RBFOX1: variants seen among roughly 807,000 people sequenced by gnomAD.
RBFOX1 encodes the protein RNA binding fox-1 homolog 1.
A neutral mutation model predicts 57.7 loss-of-function variants in RBFOX1; 8 were observed. That is an observed-to-expected ratio of 0.14 (90% CI 0.08 to 0.25). The LOEUF (loss-of-function observed/expected upper bound fraction) is 0.25, where lower values mean the gene tolerates loss of function less well. RBFOX1 is among the 10% of genes least tolerant of loss of function. RBFOX1 has a pLI of 1.00. For missense variants in RBFOX1, 611 were observed against 548.5 expected, an observed-to-expected ratio of 1.11 and a Z score of -1.14; for synonymous variants, 326 against 222.4, an observed-to-expected ratio of 1.47 and a Z score of -4.15.
intron 1 of RBFOX1, among the ~76,000 whole-genome samples, chr16:5,282,314 A>T (rs1329760567): frequency 6.6e-6 from 1 of 152,194 alleles, no homozygotes; most frequent in East Asian, 1.9e-4. Flanking sequence ...ATGTGTCTTT[A>T]TCAGCTGTGT....
intron 2 of RBFOX1, among the ~76,000 whole-genome samples, chr16:6,325,057 C>A (rs1990571): frequency 0.99 from 151,038 of 152,330 alleles, 74,894 homozygotes; most frequent in Middle Eastern, 1. Context: ...GTTGTAGTAA[C>A]GAATTACAGG....
chr16:6,950,110 G>A (rs1442864469), intron 3 of RBFOX1, among the ~76,000 whole-genome samples: 1 of 127,578 alleles, frequency 7.8e-6, no homozygotes, highest in Admixed American at 8.1e-5. Context: ...CTACGCAGAG[G>A]TAATTTTTTT....
intron 3 of RBFOX1, among the ~76,000 whole-genome samples, chr16:6,880,947 A>T (rs753564482): frequency 3.3e-5 from 5 of 152,116 alleles, no homozygotes; most frequent in Non-Finnish European, 7.3e-5. Flanking sequence ...ACATTAGGAG[A>T]TTCAATCTAA....
chr16:5,582,160 C>T (rs763099837), intron 2 of RBFOX1, among the ~76,000 whole-genome samples: 10 of 152,306 alleles, frequency 6.6e-5, no homozygotes, highest in Admixed American at 1.3e-4. Flanking sequence ...GTATTACTCT[C>T]GCCCCGGGAG....
intron 1 of RBFOX1, among the ~76,000 whole-genome samples, chr16:5,272,601 G>A (rs998923983): frequency 6.6e-6 from 1 of 152,170 alleles, no homozygotes; most frequent in African/African-American, 2.4e-5. Flanking sequence ...TGTGGCCCCT[G>A]CTTTCATTTC....
chr16:7,217,546 C>T (rs2092305970), intron 4 of RBFOX1, among the ~76,000 whole-genome samples: 1 of 151,996 alleles, frequency 6.6e-6, no homozygotes, highest in Admixed American at 6.5e-5. Context: ...CCTCGTCCAT[C>T]ACTCTTTATC....
intron 2 of RBFOX1, among the ~76,000 whole-genome samples, chr16:5,519,592 G>T (rs931624057): frequency 6.6e-6 from 1 of 152,130 alleles, no homozygotes; most frequent in Non-Finnish European, 1.5e-5. Flanking sequence ...AGGTGTGGTG[G>T]TGTATACCTG....
chr16:7,239,190 G>C (rs2093932094), intron 4 of RBFOX1, among the ~76,000 whole-genome samples: 1 of 152,066 alleles, frequency 6.6e-6, no homozygotes, highest in Admixed American at 6.6e-5. Flanking sequence ...TTCTACCATT[G>C]ATGTAGGTAC....
At chr16:5,587,593 A>T (rs1408044901) in intron 2 of RBFOX1, among the ~76,000 whole-genome samples, 1 of 152,182 alleles carries the variant, frequency 6.6e-6, no homozygotes, top group African/African-American at 2.4e-5. Flanking sequence ...GATGCCTGTA[A>T]TCCCAGCTAA....
intron 2 of RBFOX1, among the ~76,000 whole-genome samples, chr16:6,570,935 A>G (rs1394288018): frequency 6.6e-6 from 1 of 152,170 alleles, no homozygotes; most frequent in Non-Finnish European, 1.5e-5. Flanking sequence ...TAACGGTTAT[A>G]TTGCTCATTA....
At chr16:7,414,062 T>C (rs2098456189) in intron 4 of RBFOX1, among the ~76,000 whole-genome samples, 1 of 152,206 alleles carries the variant, frequency 6.6e-6, no homozygotes, top group Non-Finnish European at 1.5e-5. Flanking sequence ...ACTCATCAAA[T>C]TTGGGAGTGA....
At chr16:5,523,258 C>G (rs1199853108) in intron 2 of RBFOX1, among the ~76,000 whole-genome samples, 1 of 151,670 alleles carries the variant, frequency 6.6e-6, no homozygotes, top group Non-Finnish European at 1.5e-5. Context: ...GGCACACCAG[C>G]CTGGGTGATA....
rs767252724 is a variant in RBFOX1 at position 7,682,388 on chromosome 16, C to T, written c.995+5550C>T. The stretch of plus-strand genomic sequence containing the variant: ...GGTTCAGAAGGGATGGGAGAGTTTT[C>T]CATGCCATCTTCCCAGCTGGGATAC... On this transcript the variant is annotated intron_variant, in intron 14 of 15. Coordinates refer to ENST00000550418, the MANE Select transcript of RBFOX1 (RefSeq NM_018723.4). Among the ~76,000 whole-genome samples, 8 of 152,058 alleles carry T rather than the reference C, an allele frequency of 5.3e-5. No homozygotes were observed. The South Asian group carries it at 1.7e-3, about 32-fold the overall frequency.
At chr16:5,294,534 C>T (rs2063614828) in intron 1 of RBFOX1, among the ~76,000 whole-genome samples, 3 of 152,168 alleles carry the variant, frequency 2.0e-5, no homozygotes, top group South Asian at 2.1e-4. Context: ...TGGGATCCCT[C>T]GTAACCAGGT....
intron 2 of RBFOX1, among the ~76,000 whole-genome samples, chr16:6,578,657 GAGA>G (rs1330506731): frequency 4.6e-5 from 6 of 131,066 alleles, no homozygotes; most frequent in Non-Finnish European, 7.1e-5. Flanking sequence ...CAAAAATATA[GAGA>G]AGGAGAGAGA....
At chr16:5,839,909 C>G (rs533141609) in intron 3 of RBFOX1, among the ~76,000 whole-genome samples, 2 of 152,252 alleles carry the variant, frequency 1.3e-5, no homozygotes, top group African/African-American at 4.8e-5. Flanking sequence ...CCCCTATGAG[C>G]AATCAAGACA....
At chr16:5,569,091 C>T (rs911417128) in intron 2 of RBFOX1, among the ~76,000 whole-genome samples, 8 of 151,734 alleles carry the variant, frequency 5.3e-5, no homozygotes, top group African/African-American at 1.9e-4. Context: ...ACCTCATGAT[C>T]CGCCCGCCTT....
intron 4 of RBFOX1, among the ~76,000 whole-genome samples, chr16:7,153,092 G>C (rs17646002): frequency 0.32 from 48,554 of 152,010 alleles, 9,494 homozygotes; most frequent in Admixed American, 0.45. Flanking sequence ...TACAAAACTT[G>C]TCTCTTAATG....
chr16:6,505,099 A>C (rs146942887), intron 2 of RBFOX1, among the ~76,000 whole-genome samples: 17 of 152,224 alleles, frequency 1.1e-4, no homozygotes, highest in African/African-American at 4.1e-4. Flanking sequence ...AAAATTAGAA[A>C]AATAAAGTCT....
Sources: gnomAD v4.1 joint callset for allele counts (sites outside exome capture counted in the v4.1 genomes callset) on GRCh38, gnomAD v4.1.1 for gene constraint, MANE v1.5 for transcripts, NCBI Gene and HGNC (gene_info 2026-07-23, HGNC 2026-07-21) for gene names.